Variants in FAM240B observed in about 807,000 individuals in gnomAD.
FAM240B encodes family with sequence similarity 240 member B.
chr9:38,699,414 A>C (rs1821099204), intron 2 of FAM240B, among the ~76,000 whole-genome samples: 1 of 152,196 alleles, frequency 6.6e-6, no homozygotes, highest in Non-Finnish European at 1.5e-5. Context: ...GAAGGGAGGA[A>C]ACTGAAGCAG....
intron 2 of FAM240B, among the ~76,000 whole-genome samples, chr9:38,700,976 G>A (rs1277300210): frequency 6.6e-6 from 1 of 152,258 alleles, no homozygotes; most frequent in East Asian, 1.9e-4. Flanking sequence ...CCAGCAGAGG[G>A]AGAGGAACGT....
chr9:38,710,593 G>C (rs905508878), intron 1 of FAM240B, among the ~76,000 whole-genome samples: 3 of 152,120 alleles, frequency 2.0e-5, no homozygotes, highest in Non-Finnish European at 4.4e-5. Flanking sequence ...TATAGGCAGT[G>C]GGGGGAAATG....
At chr9:38,711,902 C>T (rs910842205) in intron 1 of FAM240B, among the ~76,000 whole-genome samples, 27 of 152,162 alleles carry the variant, frequency 1.8e-4, no homozygotes, top group East Asian at 7.7e-4. Context: ...GTGATCCGCC[C>T]GTCTCGGCCT....
chr9:38,707,128 C>G (rs537518561), intron 1 of FAM240B, among the ~76,000 whole-genome samples: 2 of 152,196 alleles, frequency 1.3e-5, no homozygotes, highest in East Asian at 3.9e-4. Context: ...TTTTAAATTA[C>G]AAAATACCCC....
At chr9:38,702,632 T>A (rs1160278048) in intron 2 of FAM240B, among the ~76,000 whole-genome samples, 1 of 152,192 alleles carries the variant, frequency 6.6e-6, no homozygotes, top group Non-Finnish European at 1.5e-5. Context: ...GGTTGACACA[T>A]ATGACACGTC....
intron 1 of FAM240B, 131 bp from the exon 2 acceptor site, chr9:38,704,133 T>C: frequency 2.5e-6 from 1 of 394,104 alleles, no homozygotes; most frequent in Non-Finnish European, 4.5e-6. Context: ...TTGGTGACTG[T>C]AGACACATCA....
At chr9:38,710,629 G>A (rs569407392) in intron 1 of FAM240B, among the ~76,000 whole-genome samples, 1 of 152,152 alleles carries the variant, frequency 6.6e-6, no homozygotes, top group Non-Finnish European at 1.5e-5. Flanking sequence ...ATGAAACTCA[G>A]CCCTGCAACG....
chr9:38,704,526 A>G (rs72721509), intron 1 of FAM240B, among the ~76,000 whole-genome samples: 8,369 of 152,128 alleles, frequency 0.055, 319 homozygotes, highest in Non-Finnish European at 0.086. Context: ...GATAATCTTC[A>G]TTTTATATTT....
chr9:38,710,679 C>A (rs931993289), intron 1 of FAM240B, among the ~76,000 whole-genome samples: 1 of 148,452 alleles, frequency 6.7e-6, no homozygotes, highest in Admixed American at 6.9e-5. Context: ...AGCAGGTCTG[C>A]CCCCACTAAG....
At chr9:38,704,290 C>A (rs895317719) in intron 1 of FAM240B, among the ~76,000 whole-genome samples, 2 of 151,990 alleles carry the variant, frequency 1.3e-5, no homozygotes, top group Non-Finnish European at 2.9e-5. Context: ...AAGGCTTGCC[C>A]TTTTCACTGT....
chr9:38,714,626 T>C (rs1821289616), intron 1 of FAM240B, among the ~76,000 whole-genome samples: 1 of 152,208 alleles, frequency 6.6e-6, no homozygotes, highest in Non-Finnish European at 1.5e-5. Context: ...TGATGTGACA[T>C]GATGTGACAC....
intron 2 of FAM240B, among the ~76,000 whole-genome samples, chr9:38,702,853 A>C (rs959784268): frequency 2.0e-5 from 3 of 152,216 alleles, no homozygotes; most frequent in Admixed American, 1.3e-4. Context: ...ACATGTGCTA[A>C]AGATTGTAAC....
intron 2 of FAM240B, 52 bp downstream of exon 2, chr9:38,703,805 T>G: frequency 2.5e-6 from 1 of 399,242 alleles, no homozygotes; most frequent in East Asian, 3.6e-5. Flanking sequence ...ATATCTGGCA[T>G]ATCTCTGGAA....
At chr9:38,696,575 C>T (rs749643892) in intron 2 of FAM240B, among the ~76,000 whole-genome samples, 4 of 152,042 alleles carry the variant, frequency 2.6e-5, no homozygotes, top group Non-Finnish European at 5.9e-5. Flanking sequence ...TCTGGGAGGC[C>T]AAGGCGGGCA....
intron 1 of FAM240B, among the ~76,000 whole-genome samples, chr9:38,719,287 T>G (rs1821345505): frequency 6.6e-6 from 1 of 151,094 alleles, no homozygotes; most frequent in Admixed American, 6.6e-5. Flanking sequence ...AGTGTACATC[T>G]CTTGAGAGGA....
chr9:38,702,263 G>C (rs73454403), intron 2 of FAM240B, among the ~76,000 whole-genome samples: 2,139 of 152,316 alleles, frequency 0.014, 53 homozygotes, highest in African/African-American at 0.047. Context: ...AGGCCACCAG[G>C]AGTGTGGCTG....
chr9:38,708,709 G>C (rs1000476755), intron 1 of FAM240B, among the ~76,000 whole-genome samples: 2 of 152,150 alleles, frequency 1.3e-5, no homozygotes, highest in Non-Finnish European at 2.9e-5. Context: ...CATGCCACAT[G>C]CTTGTTCAGG....
At chr9:38,718,330 A>T (rs2119017547) in intron 1 of FAM240B, among the ~76,000 whole-genome samples, 1 of 152,354 alleles carries the variant, frequency 6.6e-6, no homozygotes, top group African/African-American at 2.4e-5. Flanking sequence ...AAATGTTTAC[A>T]GCATAATTCC....
At chr9:38,696,064 C>T (rs1821065295) in intron 2 of FAM240B, among the ~76,000 whole-genome samples, 1 of 152,168 alleles carries the variant, frequency 6.6e-6, no homozygotes, top group South Asian at 2.1e-4. Flanking sequence ...TAATTCCTAA[C>T]TTCCAAGGGG....
Sources: gnomAD v4.1 joint callset for allele counts (sites outside exome capture counted in the v4.1 genomes callset) on GRCh38, gnomAD v4.1.1 for gene constraint, MANE v1.5 for transcripts, NCBI Gene and HGNC (gene_info 2026-07-23, HGNC 2026-07-21) for gene names.